The following GPM6B variants were observed in gnomAD, a reference collection of about 807,000 sequenced individuals.
GPM6B encodes glycoprotein M6B, also known as neuronal membrane glycoprotein M6-b.
A neutral mutation model predicts 27.2 loss-of-function variants in GPM6B; 4 were observed. The observed-to-expected ratio is 0.15, with a 90% confidence interval of 0.07 to 0.34. GPM6B has a LOEUF of 0.34. Ranked by LOEUF, GPM6B falls within the 10% of genes least tolerant of loss-of-function variation. The pLI is 1.00. For synonymous variants in GPM6B, 124 were observed against 103.1 expected (o/e 1.20, Z -1.23); for missense variants, 183 against 261.9 (o/e 0.70, Z 2.08).
chrX:13,879,967 C>A (rs1427123922), intron 1 of GPM6B, among the ~76,000 whole-genome samples: 2 of 112,018 alleles, frequency 1.8e-5, no homozygotes, highest in Non-Finnish European at 3.8e-5. Flanking sequence ...ATTAGCTGCA[C>A]TTGGAGGAAT....
chrX:13,928,799 C>G (rs756313703), intron 1 of GPM6B, among the ~76,000 whole-genome samples: 1 of 112,151 alleles, frequency 8.9e-6, no homozygotes, highest in African/African-American at 3.2e-5. Context: ...TTCTGACCCT[C>G]GCTTCCAATG....
upstream of GPM6B, among the ~76,000 whole-genome samples, chrX:13,822,259 AATTTT>A (rs1162143945): frequency 1.8e-5 from 2 of 111,202 alleles, no homozygotes; most frequent in Admixed American, 2.0e-4. Flanking sequence ...TCCCTCAACA[AATTTT>A]ATTTCTTTTT....
intron 2 of GPM6B, among the ~76,000 whole-genome samples, chrX:13,797,566 C>G (rs1308595184): frequency 3.6e-5 from 4 of 110,873 alleles, no homozygotes; most frequent in African/African-American, 1.3e-4. Flanking sequence ...ATTGCCTGGT[C>G]CATGGAAGAT....
chrX:13,892,057 C>T (rs1401814303), intron 1 of GPM6B, among the ~76,000 whole-genome samples: 1 of 111,524 alleles, frequency 9.0e-6, no homozygotes, highest in Non-Finnish European at 1.9e-5. Flanking sequence ...TAGACCTGGA[C>T]AGCAAATTGT....
intron 2 of GPM6B, among the ~76,000 whole-genome samples, chrX:13,806,735 T>A (rs1316578745): frequency 8.9e-6 from 1 of 112,427 alleles, no homozygotes; most frequent in African/African-American, 3.2e-5. Flanking sequence ...CATGCTACAT[T>A]TACTCCTGAA....
chrX:13,871,094 CAAAACAAAACAAAACAAAACA>C (rs2049971851), intron 1 of GPM6B, among the ~76,000 whole-genome samples: 1 of 35,875 alleles, frequency 2.8e-5, no homozygotes, highest in East Asian at 2.5e-3. Context: ...CAAAACAAAA[CAAAACAAAACAAAACAAAACA>C]AAAAAAAAAG....
chrX:13,877,858 A>G (rs989846234), intron 1 of GPM6B, among the ~76,000 whole-genome samples: 1 of 102,771 alleles, frequency 9.7e-6, no homozygotes, highest in Non-Finnish European at 2.0e-5. Context: ...AAAATTCACC[A>G]TATTTGCTTC....
At chrX:13,929,439 A>G (rs1180060008) in intron 1 of GPM6B, among the ~76,000 whole-genome samples, 1 of 110,410 alleles carries the variant, frequency 9.1e-6, no homozygotes, top group East Asian at 2.8e-4. Flanking sequence ...GATTAAAAAA[A>G]AAAAAACTTC....
At chrX:13,786,339 GATACAGCAATT>G (rs1367144444) in intron 2 of GPM6B, among the ~76,000 whole-genome samples, 1 of 112,115 alleles carries the variant, frequency 8.9e-6, no homozygotes, top group Non-Finnish European at 1.9e-5. Flanking sequence ...GGGAGAATCT[GATACAGCAATT>G]ATGCCGTCGC....
At chrX:13,858,881 A>C (rs2049811413) in intron 1 of GPM6B, among the ~76,000 whole-genome samples, 1 of 112,204 alleles carries the variant, frequency 8.9e-6, no homozygotes, top group Non-Finnish European at 1.9e-5. Flanking sequence ...AATACAGACT[A>C]TCACAGGTCC....
intron 2 of GPM6B, among the ~76,000 whole-genome samples, chrX:13,792,735 A>G (rs2048736164): frequency 9.0e-6 from 1 of 110,985 alleles, no homozygotes; most frequent in Non-Finnish European, 1.9e-5. Flanking sequence ...CCCCGTCTCT[A>G]CTAAAAACAC....
chrX:13,773,925 C>CA (rs201245044), intron 7 of GPM6B: 11,736 of 513,182 alleles, frequency 0.023, 3 homozygotes, highest in East Asian at 0.033. Flanking sequence ...TGTGTTGTAC[C>CA]AAAAAAAAAA....
intron 1 of GPM6B, among the ~76,000 whole-genome samples, chrX:13,829,446 C>T (rs1042915073): frequency 8.9e-6 from 1 of 111,985 alleles, no homozygotes; most frequent in African/African-American, 3.2e-5. Context: ...TTTCAAAGTC[C>T]TTTATGCTCC....
chrX:13,815,543 A>G (rs756932795), intron 1 of GPM6B, among the ~76,000 whole-genome samples: 2 of 111,387 alleles, frequency 1.8e-5, no homozygotes, highest in East Asian at 5.6e-4. Context: ...TGAACTAAAC[A>G]AACGATTTTA....
chrX:13,875,199 C>G (rs5979992), intron 1 of GPM6B, among the ~76,000 whole-genome samples: 54,775 of 110,029 alleles, frequency 0.5, 11,560 homozygotes, highest in East Asian at 0.95. Flanking sequence ...GTGACAGTTG[C>G]ATGCAGTTAG....
chrX:13,886,742 A>AAAAAAAAAAAAAAAAG (rs2050140386), intron 1 of GPM6B, among the ~76,000 whole-genome samples: 1 of 103,576 alleles, frequency 9.7e-6, no homozygotes, highest in African/African-American at 3.6e-5. Flanking sequence ...AAAAAAAAAA[A>AAAAAAAAAAAAAAAAG]TCTAGAAACT....
chrX:13,814,893 GAT>G (rs749058517), intron 1 of GPM6B, among the ~76,000 whole-genome samples: 28 of 111,987 alleles, frequency 2.5e-4, no homozygotes, highest in African/African-American at 9.1e-4. Context: ...CTGGTAGTGT[GAT>G]ATTTTTGAAT....
chrX:13,834,620 A>G (rs990915179), intron 1 of GPM6B, among the ~76,000 whole-genome samples: 4 of 111,790 alleles, frequency 3.6e-5, no homozygotes, highest in African/African-American at 1.3e-4. Flanking sequence ...AATTTTTTTC[A>G]TGAAGGCAAT....
intron 1 of GPM6B, among the ~76,000 whole-genome samples, chrX:13,932,548 CTG>C (rs762904249): frequency 8.9e-6 from 1 of 112,173 alleles, no homozygotes; most frequent in South Asian, 3.8e-4. Context: ...GAACAGGACT[CTG>C]TGAATGCTTG....
Sources: gnomAD v4.1 joint callset for allele counts (sites outside exome capture counted in the v4.1 genomes callset) on GRCh38, gnomAD v4.1.1 for gene constraint, MANE v1.5 for transcripts, NCBI Gene and HGNC (gene_info 2026-07-23, HGNC 2026-07-21) for gene names.